PHLDB1: variants seen among roughly 807,000 people sequenced by gnomAD.
PHLDB1 encodes pleckstrin homology-like domain family B member 1.
In PHLDB1, 65 loss-of-function variants were observed where a neutral mutation model predicts 139.3. The ratio of observed to expected loss-of-function variants is 0.47; its 90% CI spans 0.38 to 0.57. The LOEUF (loss-of-function observed/expected upper bound fraction) is 0.57. Among genes scored for constraint, PHLDB1 ranks in the 20% least tolerant of loss-of-function variants. The pLI, the probability that PHLDB1 is intolerant of heterozygous loss-of-function variation, is 0.00. For synonymous variants in PHLDB1, 679 were observed against 734.5 expected (o/e 0.92, Z 1.22); for missense variants, 1,624 against 1,839.7 (o/e 0.88, Z 2.14).
chr11:118,648,085 G>T lies in PHLDB1; in HGVS notation c.3654+9G>T. On this transcript the variant is annotated intron_variant, in intron 18 of 22. Coordinates refer to ENST00000600882, the MANE Select transcript of PHLDB1 (RefSeq NM_001144758.3). ...AGAAACAATTTTCCCAGGTGAATGG[G>T]CAGTGGGGCACAGTGGTGGTTGGTT... 6.2e-7 allele frequency: 1 copy of T among 1,612,704 alleles called. No homozygotes were observed.
intron 5 of PHLDB1, among the ~76,000 whole-genome samples, chr11:118,626,635 G>A (rs544115711): frequency 6.6e-6 from 1 of 151,962 alleles, no homozygotes; most frequent in Non-Finnish European, 1.5e-5. Flanking sequence ...CATCCATTTC[G>A]GCTTCACAAA....
chr11:118,627,513 C>T lies in PHLDB1; in HGVS notation c.690C>T (p.Arg230=). 6.2e-7 allele frequency: 1 copy of T among 1,614,230 alleles called. No individual in the cohort carries two copies. The highest frequency in any genetic ancestry group is 8.5e-7 in the Non-Finnish European group (1 of 1,180,020). ...TGTCACCGATGGCTAATGGTGGGCG[C>T]TACCTGCTGTCTCCCCCAACCAGCC... The part of the protein sequence containing the change: ...SPLSPMANGG[R]YLLSPPTSPG... The change falls in exon 6 of 23, where the codon CGC becomes CGT. Residue 230 remains arginine (R), a synonymous_variant. Transcript: ENST00000600882.
At position 118,627,721 on chromosome 11, in the gene PHLDB1, C is replaced by A. The variant is rs868975826; in HGVS notation, c.898C>A (p.Gln300Lys). The change falls in exon 6 of 23, where the codon CAG becomes AAG. Residue 300 changes from glutamine to lysine, a missense_variant. Physicochemically the swap from Gln to Lys is moderately conservative, Grantham distance 53. Transcript: ENST00000600882. ...SSYHLALQPP[Q>K]SRPSGARSES... ...CTACCATCTGGCCCTACAGCCCCCA[C>A]AGTCCCGCCCAAGTGGTGCTCGCTC... 3 of 1,609,982 alleles carry A rather than the reference C, an allele frequency of 1.9e-6. No individual in the cohort carries two copies. The highest frequency in any genetic ancestry group is 2.5e-6 in the Non-Finnish European group (3 of 1,179,978).
rs1047907525 is a variant in PHLDB1, at chr11:118,608,481, C to T, written c.-22+782C>T. Among the ~76,000 whole-genome samples, 1 of 152,146 alleles carries T rather than the reference C, an allele frequency of 6.6e-6. No individual in the cohort carries two copies. The highest frequency in any genetic ancestry group is 2.1e-4 in the South Asian group (1 of 4,836). Reference sequence around the variant, plus strand: ...GCCGGCGCAGGGTGGCCGAGTCGCCCGCTAGCGCTTCCGCCGAGGCAGGCT... The same window carrying T: ...GCCGGCGCAGGGTGGCCGAGTCGCCTGCTAGCGCTTCCGCCGAGGCAGGCT... On this transcript the variant is annotated intron_variant, in intron 1 of 22. Coordinates refer to ENST00000600882, the MANE Select transcript of PHLDB1 (RefSeq NM_001144758.3). The surrounding 1 kb of genome is among the most constrained non-coding windows in gnomAD (Gnocchi z 6.7).
chr11:118,642,261 A>T lies in PHLDB1; in HGVS notation c.2744A>T (p.Lys915Met). ...CCCCATTCCCACCTCCAGATGGAGA[A>T]GCTGCTGCTCCCTGCTGTAGACTTA... ...KTTSTLKEME[K>M]LLLPAVDLEQ... The change falls in exon 13 of 23, where the codon AAG becomes ATG. Residue 915 changes from lysine (K) to methionine (M), a missense_variant. Coordinates refer to ENST00000600882, the MANE Select transcript of PHLDB1 (RefSeq NM_001144758.3). The T allele has an allele frequency of 6.2e-7, 1 of 1,612,492 alleles. No homozygotes were observed. The highest frequency in any genetic ancestry group is 1.7e-5 in the Admixed American group (1 of 59,980).
Position 118,632,534 on chromosome 11 carries a change from C to T in PHLDB1, c.2379+238C>T, listed in dbSNP as rs1944970109. 1.8e-6 allele frequency: 1 copy of T among 562,668 alleles called. No homozygotes were observed. Among genetic ancestry groups the T allele is most frequent in the East Asian group, 3.0e-5 (1 of 33,356 alleles). 34.9% of individuals were successfully genotyped at this position (562,668 alleles called of 1,614,324 possible). ...CTCCTCTGTCTGGGTCTGTGTGCTA[C>T]CTCTGGGTGCCTGCCATCCTAGGCC... is the stretch of plus-strand genomic sequence containing the variant. On this transcript the variant is annotated intron_variant, in intron 9 of 22. Transcript: ENST00000600882. This position sits in a 1 kb window ranked among gnomAD's most constrained non-coding sequence, Gnocchi z 5.9.
At chr11:118,625,602 G>A (rs568312797) in intron 5 of PHLDB1, among the ~76,000 whole-genome samples, 1 of 152,204 alleles carries the variant, frequency 6.6e-6, no homozygotes, top group African/African-American at 2.4e-5. Context: ...AGCTGCACAG[G>A]GGGGCAGGAG....
chr11:118,613,694 G>T, intron 1 of PHLDB1, 122 bp from the exon 2 acceptor site: 1 of 641,186 alleles, frequency 1.6e-6, no homozygotes. Context: ...CCTTCAGCAT[G>T]AGCATTTGGG....
chr11:118,649,809 A>G (rs1555134146), intron 18 of PHLDB1, among the ~76,000 whole-genome samples: 1 of 152,184 alleles, frequency 6.6e-6, no homozygotes, highest in Non-Finnish European at 1.5e-5. Context: ...AAGGAGGGGC[A>G]GGGCAAGACA....
At chr11:118,646,168 G>A (rs1947484622) in intron 17 of PHLDB1, among the ~76,000 whole-genome samples, 1 of 146,846 alleles carries the variant, frequency 6.8e-6, no homozygotes, top group Admixed American at 7.1e-5. Flanking sequence ...GCTGAGGCAG[G>A]AGAATGGCGT....
chr11:118,645,403 C>T lies in PHLDB1; in HGVS notation c.3169C>T (p.Gln1057Ter). The change falls in exon 16 of 23, where the codon CAG becomes TAG. Residue 1057 changes from glutamine (Q) to a stop codon, truncating the protein, a stop_gained. Transcript: ENST00000600882. LOFTEE classifies it high-confidence loss of function. The surrounding 1 kb of genome is among the most constrained non-coding windows in gnomAD (Gnocchi z 5.1). ...GCGGCGGCGACTGGCTGAGCTGAAG[C>T]AGAAAGCGGCAGCTGAGGCACAGTG... is the stretch of plus-strand genomic sequence containing the variant. ...EQRRRLAELK[Q>*]KAAAEAQCQW... 1 of 1,526,230 alleles carries T rather than the reference C, an allele frequency of 6.6e-7. No homozygotes were observed. The highest frequency in any genetic ancestry group is 8.8e-7 in the Non-Finnish European group (1 of 1,136,966). 94.5% of individuals were successfully genotyped at this position (1,526,230 alleles called of 1,614,324 possible).
chr11:118,632,158 G>C lies in PHLDB1; in HGVS notation c.2242-1G>C, dbSNP rs1944921192. ...ATGGGGACCCTGGTGTCTGCCCCCA[G>C]GCCGAAATGGAGCGGGCACTGCTGC... On this transcript the variant is annotated splice_acceptor_variant, in intron 8 of 22. Coordinates refer to ENST00000600882, the MANE Select transcript of PHLDB1 (RefSeq NM_001144758.3). LOFTEE classifies it high-confidence loss of function. This position sits in a 1 kb window ranked among gnomAD's most constrained non-coding sequence, Gnocchi z 5.9. The C allele has an allele frequency of 6.2e-7, 1 of 1,613,926 alleles. No homozygotes were observed. Among genetic ancestry groups the C allele is most frequent in the Admixed American group, 1.7e-5 (1 of 60,016 alleles).
At chr11:118,613,230 G>A (rs1940855594) in intron 1 of PHLDB1, 8 of 915,988 alleles carry the variant, frequency 8.7e-6, no homozygotes, top group South Asian at 1.0e-4. Flanking sequence ...AAGAAAAGGT[G>A]TAGGAGTTGA....
At position 118,645,483 on chromosome 11, in the gene PHLDB1, C is replaced by T; in HGVS notation, c.3249C>T (p.Phe1083=). Residue 1083 remains phenylalanine (F), a synonymous_variant, in exon 16 of 23, where the codon TTC becomes TTT. Transcript: ENST00000600882. The surrounding 1 kb of genome is among the most constrained non-coding windows in gnomAD (Gnocchi z 5.1). ...AAPFPAGPSG[F]PPLMHHSILH... ...CCTTCCCAGCGGGCCCCTCGGGCTTCCCCCCTCTCATGCACCACTCTATCC... is the reference window on the plus strand; with the variant it reads ...CCTTCCCAGCGGGCCCCTCGGGCTTTCCCCCTCTCATGCACCACTCTATCC... 6.2e-6 allele frequency: 10 copies of T among 1,611,256 alleles called. No homozygotes were observed. Among genetic ancestry groups the T allele is most frequent in the Non-Finnish European group, 7.6e-6 (9 of 1,178,632 alleles).
chr11:118,643,778 G>A (rs1555123525), intron 13 of PHLDB1, 22 bp from the exon 14 acceptor site: 1 of 1,614,048 alleles, frequency 6.2e-7, no homozygotes, highest in Non-Finnish European at 8.5e-7. Flanking sequence ...AGGAATCACT[G>A]GGCACTATCT....
rs1948980594 is a variant in PHLDB1, at chr11:118,655,861, A to T, written c.3962A>T (p.Lys1321Met). Residue 1321 changes from lysine to methionine, a missense_variant and splice_region_variant, in exon 22 of 23, where the codon AAG (lysine) becomes ATG (methionine). By Grantham distance (95) the Lys-to-Met change is moderately conservative. Coordinates refer to ENST00000600882, the MANE Select transcript of PHLDB1 (RefSeq NM_001144758.3). ...CCTTTCTCCCTCTCCCCTTCCCAGA[A>T]GAGGTTTTTCCGCTTCACTATGGTG... The part of the protein sequence containing the change: ...YYDHLRSAAK[K>M]RFFRFTMVTE... The T allele has an allele frequency of 1.2e-6, 2 of 1,612,416 alleles. No individual in the cohort carries two copies. The highest frequency in any genetic ancestry group is 1.7e-6 in the Non-Finnish European group (2 of 1,178,654).
At chr11:118,613,942 G>A (rs1258363503) in intron 2 of PHLDB1, 46 bp downstream of exon 2, 1 of 1,229,022 alleles carries the variant, frequency 8.1e-7, no homozygotes, top group African/African-American at 1.5e-5. Flanking sequence ...TAATAGGGAT[G>A]GGATCAGCTC....
Position 118,625,005 on chromosome 11 carries a change from AG to A in PHLDB1, c.428del (p.Ser143ThrfsTer2), listed in dbSNP as rs782055744. The A allele has an allele frequency of 2.5e-6, 4 of 1,613,920 alleles. No individual in the cohort carries two copies. In the South Asian group the frequency reaches 4.4e-5, roughly 18 times the overall value. Reference protein sequence around the residue: ...NHPAEAKWMKSMIPAGGRAPG... With the variant: ...NHPAEAKWMKXMIPAGGRAPG... ...CCCGGCTGAAGCCAAGTGGATGAAA[AG>A]CATGATTCCAGCAGGGGGCCGAGCC... On this transcript the variant is annotated frameshift_variant, in exon 5 of 23. Transcript: ENST00000600882. LOFTEE classifies it high-confidence loss of function.
chr11:118,632,507 GT>G lies in PHLDB1; in HGVS notation c.2379+212del. On this transcript the variant is annotated intron_variant, in intron 9 of 22. Coordinates refer to ENST00000600882, the MANE Select transcript of PHLDB1 (RefSeq NM_001144758.3). The surrounding 1 kb of genome is among the most constrained non-coding windows in gnomAD (Gnocchi z 5.9). ...GCCAGGGGCTGGGCTGGTGTCTGGG[GT>G]CTCCTCTGTCTGGGTCTGTGTGCTA... 1.6e-6 allele frequency: 1 copy of G among 609,150 alleles called. No individual in the cohort carries two copies. Among genetic ancestry groups the G allele is most frequent in the Non-Finnish European group, 2.9e-6 (1 of 346,300 alleles). The allele number at this position is 609,150 out of a possible 1,614,324, so 37.7% of individuals were successfully genotyped here.
Sources: allele counts gnomAD v4.1 joint callset (sites outside exome capture counted in the v4.1 genomes callset), GRCh38; gene constraint gnomAD v4.1.1; non-coding constraint Gnocchi (gnomAD v3.1); transcripts MANE v1.5; gene names NCBI Gene and HGNC (gene_info 2026-07-23, HGNC 2026-07-21).